LAMA5: variants seen among roughly 807,000 people sequenced by gnomAD.
LAMA5 encodes laminin subunit alpha 5.
A neutral mutation model predicts 433.4 loss-of-function variants in LAMA5; 260 were observed. That is an observed-to-expected ratio of 0.60 (90% CI 0.54 to 0.66). The LOEUF (loss-of-function observed/expected upper bound fraction) is 0.66, where lower values mean the gene tolerates loss of function less well. LAMA5 is among the 30% of genes least tolerant of loss of function. The probability of loss-of-function intolerance (pLI) is 0.00; values close to 1 mark genes in which losing one functional copy is unlikely to be tolerated. For synonymous variants in LAMA5, 2,620 were observed against 2,226.6 expected, an observed-to-expected ratio of 1.18 and a Z score of -4.97; for missense variants, 5,378 against 5,258.5, an observed-to-expected ratio of 1.02 and a Z score of -0.70.
At chr20:62,354,038 C>T (rs907400462) in intron 2 of LAMA5, among the ~76,000 whole-genome samples, 2 of 152,010 alleles carry the variant, frequency 1.3e-5, no homozygotes, top group Admixed American at 6.5e-5. Flanking sequence ...CCTTCCCAGG[C>T]CTCCGAAACC....
intron 62 of LAMA5, 84 bp downstream of exon 62, chr20:62,314,220 G>A: frequency 6.7e-7 from 1 of 1,496,178 alleles, no homozygotes; most frequent in South Asian, 1.2e-5. Context: ...GAAGGGTGGT[G>A]GGTGCACACG....
At chr20:62,325,258 G>A (rs941463108) in intron 41 of LAMA5, 58 bp downstream of exon 41, 12 of 1,122,792 alleles carry the variant, frequency 1.1e-5, no homozygotes, top group Non-Finnish European at 1.5e-5. Flanking sequence ...GGAGGATGCT[G>A]GAGGGAAGGG....
At position 62,311,564 on chromosome 20, in the gene LAMA5, G is replaced by T. The variant is rs1188419649; in HGVS notation, c.9807-28C>A. 7 of 1,609,840 alleles carry T rather than the reference G, an allele frequency of 4.3e-6. No individual in the cohort carries two copies. The South Asian group carries it at 6.6e-5, about 15-fold the overall frequency. ...GTGCAGGGCGGGCAGGCGGTCAGCAGCTGCGGAAGGCCAGCTGGGACCTTG... is the reference window on the plus strand; with the variant it reads ...GTGCAGGGCGGGCAGGCGGTCAGCATCTGCGGAAGGCCAGCTGGGACCTTG... On this transcript the variant is annotated intron_variant, in intron 71 of 79. Transcript: ENST00000252999.
At chr20:62,314,246 G>A (rs922740518) in intron 62 of LAMA5, 58 bp downstream of exon 62, 1 of 1,571,236 alleles carries the variant, frequency 6.4e-7, no homozygotes, top group South Asian at 1.2e-5. Context: ...GGGAGAGATG[G>A]CGAACGGGCA....
Position 62,334,189 on chromosome 20 carries a change from GA to G in LAMA5, c.2735del (p.Val912AlafsTer9). 1 of 1,612,450 alleles carries G rather than the reference GA, an allele frequency of 6.2e-7. No individual in the cohort carries two copies. The highest frequency in any genetic ancestry group is 1.1e-5 in the South Asian group (1 of 91,046). ...SWRGYAQMAP[V>X]QPRIVARLNL... The stretch of plus-strand genomic sequence containing the variant: ...GGAGGGGGAGCACAGCGCCCACCTG[GA>G]CAGGTGCCATCTGCGCGTAGCCCCT... On this transcript the variant is annotated frameshift_variant, in exon 22 of 80. Coordinates refer to ENST00000252999, the MANE Select transcript of LAMA5 (RefSeq NM_005560.6). LOFTEE classifies it high-confidence loss of function.
intron 1 of LAMA5, among the ~76,000 whole-genome samples, chr20:62,366,161 T>C (rs974998762): frequency 2.0e-5 from 3 of 152,178 alleles, no homozygotes; most frequent in African/African-American, 4.8e-5. Context: ...GAGCTGACTT[T>C]GCTGCTCCTC....
intron 1 of LAMA5, among the ~76,000 whole-genome samples, chr20:62,365,916 G>C (rs1350146345): frequency 6.6e-6 from 1 of 152,114 alleles, no homozygotes; most frequent in Non-Finnish European, 1.5e-5. Flanking sequence ...AGGCAGAGGG[G>C]GCGGGCCCAG....
In LAMA5 at chr20:62,313,726, G is replaced by A. The variant is rs748219246; in HGVS notation, c.8581C>T (p.Pro2861Ser). The A allele has an allele frequency of 6.2e-7, 1 of 1,612,924 alleles. No homozygotes were observed. Among genetic ancestry groups the A allele is most frequent in the Admixed American group, 1.7e-5 (1 of 60,020 alleles). Reference sequence around the variant, plus strand: ...AGGTTGAGCAGCCCCTCTGCCCCAGGGGCCACCGTGTCACCCTTGGTTTCC... The same window carrying A: ...AGGTTGAGCAGCCCCTCTGCCCCAGAGGCCACCGTGTCACCCTTGGTTTCC... ...IQETKGDTVA[P>S]GAEGLLNLRP... is the part of the protein sequence containing the mutation. The change falls in exon 63 of 80, where the codon CCT becomes TCT. Residue 2861 changes from proline (P) to serine (S), a missense_variant. Transcript: ENST00000252999.
chr20:62,311,460 C>T lies in LAMA5; in HGVS notation c.9883G>A (p.Ala3295Thr), dbSNP rs371148588. The change falls in exon 72 of 80, where the codon GCC becomes ACC. Residue 3295 changes from alanine to threonine, a missense_variant. Transcript: ENST00000252999. ...SVNVSTGCAP[A>T]LQAQTPGLGP... ...AGGCCCGGGGTCTGGGCTTGCAGGGCGGGTGCACAGCCCGTGCTCACATTG... is the reference window on the plus strand; with the variant it reads ...AGGCCCGGGGTCTGGGCTTGCAGGGTGGGTGCACAGCCCGTGCTCACATTG... The T allele has an allele frequency of 5.9e-5, 94 of 1,606,302 alleles. 2 individuals are homozygous for T. Among genetic ancestry groups the T allele is most frequent in the Middle Eastern group, 1.7e-4 (1 of 6,032 alleles).
chr20:62,317,000 T>C lies in LAMA5; in HGVS notation c.7535A>G (p.Asp2512Gly). The change falls in exon 56 of 80, where the codon GAC (aspartate) becomes GGC (glycine). Residue 2512 changes from aspartate (D) to glycine (G), a missense_variant. Physicochemically the swap from Asp to Gly is moderately conservative, Grantham distance 94. Coordinates refer to ENST00000252999, the MANE Select transcript of LAMA5 (RefSeq NM_005560.6). The stretch of plus-strand genomic sequence containing the variant: ...CTCGATGGCCCTCTGGGTGAGGCGG[T>C]CCTGGTTGACGTCCAGGATGATGCT... Reference protein sequence around the residue: ...LSSIILDVNQDRLTQRAIEAS... With the variant: ...LSSIILDVNQGRLTQRAIEAS... The C allele has an allele frequency of 5.8e-6, 9 of 1,543,622 alleles. No homozygotes were observed. Among genetic ancestry groups the C allele is most frequent in the Non-Finnish European group, 7.9e-6 (9 of 1,142,140 alleles).
Position 62,329,791 on chromosome 20 carries a change from G to C in LAMA5, c.4105C>G (p.Arg1369Gly). 6.2e-7 allele frequency: 1 copy of C among 1,612,326 alleles called. No individual in the cohort carries two copies. Among genetic ancestry groups the C allele is most frequent in the Non-Finnish European group, 8.5e-7 (1 of 1,179,706 alleles). ...LTVTVRVPKG[R>G]WLWLDYVLVV... Reference sequence around the variant, plus strand: ...CTGGGACTCACCAGCCAGAGCCACCGGCCCTTGGGCACACGCACGGTCACA... The same window carrying C: ...CTGGGACTCACCAGCCAGAGCCACCCGCCCTTGGGCACACGCACGGTCACA... The change falls in exon 32 of 80, where the codon CGG becomes GGG. Residue 1369 changes from arginine (R) to glycine (G), a missense_variant. Physicochemically the swap from Arg to Gly is moderately radical, Grantham distance 125. Coordinates refer to ENST00000252999, the MANE Select transcript of LAMA5 (RefSeq NM_005560.6).
rs1244218035 is a variant in LAMA5, at chr20:62,317,427, G to A, written c.7429C>T (p.Pro2477Ser). 2 of 1,606,268 alleles carry A rather than the reference G, an allele frequency of 1.2e-6. No individual in the cohort carries two copies. The highest frequency in any genetic ancestry group is 1.3e-5 in the African/African-American group (1 of 74,764). The change falls in exon 55 of 80, where the codon CCG becomes TCG. Residue 2477 changes from proline to serine, a missense_variant. Physicochemically the swap from Pro to Ser is moderately conservative, Grantham distance 74 (BLOSUM62 -1). Transcript: ENST00000252999. ...ACTAGACGCAGCTTGCTGCCCGCCG[G>A]GGAGAAGGTCTGCATCCTCTGCAGC... is the stretch of plus-strand genomic sequence containing the variant. ...PLLQRMQTFS[P>S]AGSKLRLVEA...
intron 6 of LAMA5, 119 bp from the exon 7 acceptor site, chr20:62,347,147 G>T (rs1983524918): frequency 2.9e-6 from 2 of 696,330 alleles, no homozygotes; most frequent in Non-Finnish European, 4.9e-6. Context: ...CATGGACACG[G>T]CCCCCCGCTG....
At chr20:62,349,206 G>GC (rs1421507113) in intron 6 of LAMA5, among the ~76,000 whole-genome samples, 28 of 140,266 alleles carry the variant, frequency 2.0e-4, no homozygotes, top group African/African-American at 7.0e-4. Context: ...GGGAGGCGGA[G>GC]CTTGCAGTGA....
chr20:62,362,287 C>T, intron 2 of LAMA5, 113 bp downstream of exon 2: 1 of 1,098,344 alleles, frequency 9.1e-7, no homozygotes, highest in Non-Finnish European at 1.2e-6. Context: ...GCCTCCCAGG[C>T]CCCAGGTCTC....
Position 62,325,365 on chromosome 20 carries a change from TTGCTGGCCAGGGCCCCCTGGCC to T in LAMA5, c.5458_5479del (p.Gly1820MetfsTer74). 6.2e-7 allele frequency: 1 copy of T among 1,608,280 alleles called. No homozygotes were observed. Among genetic ancestry groups the T allele is most frequent in the Non-Finnish European group, 8.5e-7 (1 of 1,176,886 alleles). ...GGCGGGGCACAGGCACAGCTCCACA[TTGCTGGCCAGGGCCCCCTGGCC>T]TGCTGGGCTGGCCACCTCCAGTGCC... On this transcript the variant is annotated frameshift_variant, in exon 41 of 80. Transcript: ENST00000252999. LOFTEE classifies it high-confidence loss of function.
chr20:62,330,903 G>A lies in LAMA5; in HGVS notation c.3692C>T (p.Pro1231Leu), dbSNP rs1980259645. The A allele has an allele frequency of 1.9e-6, 3 of 1,547,498 alleles. No individual in the cohort carries two copies. Among genetic ancestry groups the A allele is most frequent in the Non-Finnish European group, 2.6e-6 (3 of 1,145,998 alleles). ...LPSRFPKPPQ[P>L]IILRDCQVIP... The stretch of plus-strand genomic sequence containing the variant: ...CACCTGGCAGTCCCTGAGGATGATG[G>A]GCTGGGGCGGCTTTGGGAAGCGCGA... Residue 1231 changes from proline to leucine, a missense_variant, in exon 30 of 80, where the codon CCC becomes CTC. Physicochemically the swap from Pro to Leu is moderately conservative, Grantham distance 98. Transcript: ENST00000252999.
rs140072002 is a variant in LAMA5 at position 62,312,648 on chromosome 20, C to T, written c.9211G>A (p.Asp3071Asn). ...AGTGCTTACCTCGGGGGCAGCTGGT[C>T]GGGCGGCACGCCCCCCAGGTAGTAG... ...DAYYLGGVPP[D>N]QLPPSLRRLF... Residue 3071 changes from aspartate to asparagine, a missense_variant, in exon 67 of 80, where the codon GAC (aspartate) becomes AAC (asparagine). Physicochemically the swap from Asp to Asn is conservative, Grantham distance 23. Coordinates refer to ENST00000252999, the MANE Select transcript of LAMA5 (RefSeq NM_005560.6). The T allele has an allele frequency of 8.5e-5, 137 of 1,606,722 alleles. No homozygotes were observed. The African/African-American group carries it at 1.5e-3, about 17-fold the overall frequency.
intron 2 of LAMA5, among the ~76,000 whole-genome samples, chr20:62,354,513 A>G (rs1271049249): frequency 6.6e-6 from 1 of 151,944 alleles, no homozygotes; most frequent in Non-Finnish European, 1.5e-5. Flanking sequence ...CCAACAGTGA[A>G]ACACCGTGGG....
Sources: allele counts gnomAD v4.1 joint callset (sites outside exome capture counted in the v4.1 genomes callset), GRCh38; gene constraint gnomAD v4.1.1; transcripts MANE v1.5; gene names NCBI Gene and HGNC (gene_info 2026-07-23, HGNC 2026-07-21).